PGAP1: variants seen among roughly 807,000 people sequenced by gnomAD.
The protein encoded by PGAP1 is post-GPI attachment to proteins inositol deacylase 1.
A neutral mutation model predicts 127.0 loss-of-function variants in PGAP1; 76 were observed. The ratio of observed to expected loss-of-function variants is 0.60; its 90% confidence interval spans 0.50 to 0.72. The LOEUF is 0.72. PGAP1 is among the 30% of genes least tolerant of loss of function. The pLI is 0.00. For synonymous variants in PGAP1, 362 were observed against 366.5 expected (o/e 0.99, Z 0.14); for missense variants, 982 against 1,071.3 (o/e 0.92, Z 1.16).
intron 4 of PGAP1, among the ~76,000 whole-genome samples, chr2:196,903,010 A>G (rs1274798037): frequency 6.6e-6 from 1 of 152,174 alleles, no homozygotes; most frequent in Non-Finnish European, 1.5e-5. Flanking sequence ...TGGATCCATA[A>G]GCAAACACAT....
rs141212788 is a variant in PGAP1 at position 196,839,044 on chromosome 2, A to AAAAC, written c.*2186_*2189dup. On this transcript the variant is annotated 3_prime_UTR_variant, in exon 27 of 27. Transcript: ENST00000354764. ...GGTGACAGCGTGAGACTCCATCTCA[A>AAAAC]AAACAAACAAACAAACAAACAAAAA... 0.1 allele frequency: 15,517 copies of AAAAC among 154,012 alleles called. 941 individuals are homozygous for AAAAC. Among genetic ancestry groups the AAAAC allele is most frequent in the African/African-American group, 0.17 (7,074 of 41,404 alleles). 9.5% of individuals were successfully genotyped at this position (154,012 alleles called of 1,614,324 possible).
In PGAP1 at chr2:196,872,506, G is replaced by A. The variant is rs755341613; in HGVS notation, c.1663C>T (p.Gln555Ter). 12 of 1,613,162 alleles carry A rather than the reference G, an allele frequency of 7.4e-6. No individual in the cohort carries two copies. Among genetic ancestry groups the A allele is most frequent in the Non-Finnish European group, 1.0e-5 (12 of 1,179,310 alleles). The stretch of plus-strand genomic sequence containing the variant: ...GCCACATGGGTATTGTTTTCTGGTT[G>A]AGCAATATGGAGTTTCAGAGAAATT... ...TEISLKLHIA[Q>*]PENNTHVALF... The change falls in exon 18 of 27, where the codon CAA becomes TAA. Residue 555 changes from glutamine (Q) to a stop codon, truncating the protein, a stop_gained. Transcript: ENST00000354764. LOFTEE classifies it high-confidence loss of function.
At chr2:196,860,062 G>A (rs1298271579) in intron 20 of PGAP1, among the ~76,000 whole-genome samples, 5 of 151,926 alleles carry the variant, frequency 3.3e-5, no homozygotes, top group Non-Finnish European at 7.4e-5. Flanking sequence ...AAAAGAAATG[G>A]TCAAGTTATC....
In PGAP1 at chr2:196,926,532, A is replaced by G. The variant is rs1273702087; in HGVS notation, c.85T>C (p.Phe29Leu). Residue 29 changes from phenylalanine (F) to leucine (L), a missense_variant, in exon 1 of 27, where the codon TTC becomes CTC. By Grantham distance (22) the Phe-to-Leu change is conservative. Coordinates refer to ENST00000354764, the MANE Select transcript of PGAP1 (RefSeq NM_024989.4). ...CACTTATTCTCCTCGAAGCCGAAGAAGACATCCCACAGCCCCAGGGTTGCC... is the reference window on the plus strand; with the variant it reads ...CACTTATTCTCCTCGAAGCCGAAGAGGACATCCCACAGCCCCAGGGTTGCC... ...FLATLGLWDV[F>L]FGFEENKCSM... 1 of 1,614,176 alleles carries G rather than the reference A, an allele frequency of 6.2e-7. No individual in the cohort carries two copies. Among genetic ancestry groups the G allele is most frequent in the Admixed American group, 1.7e-5 (1 of 60,032 alleles).
At chr2:196,864,247 G>A (rs958769376) in intron 20 of PGAP1, among the ~76,000 whole-genome samples, 23 of 151,652 alleles carry the variant, frequency 1.5e-4, no homozygotes, top group African/African-American at 4.1e-4. Context: ...AAAATTAGCC[G>A]GACATGGTTG....
chr2:196,849,058 T>C (rs928825330), intron 20 of PGAP1, among the ~76,000 whole-genome samples: 1 of 152,142 alleles, frequency 6.6e-6, no homozygotes, highest in Non-Finnish European at 1.5e-5. Flanking sequence ...ACTACATATT[T>C]AATTGGCTGG....
intron 5 of PGAP1, among the ~76,000 whole-genome samples, chr2:196,901,510 G>A (rs1702489385): frequency 4.6e-5 from 7 of 152,188 alleles, no homozygotes; most frequent in Admixed American, 4.6e-4. Context: ...GGAACAGGCA[G>A]ACTACATTCT....
At chr2:196,859,890 C>T (rs915796370) in intron 20 of PGAP1, among the ~76,000 whole-genome samples, 12 of 151,632 alleles carry the variant, frequency 7.9e-5, no homozygotes, top group African/African-American at 2.9e-4. Flanking sequence ...ATGACAAACC[C>T]ACAGCTAACA....
At chr2:196,871,298 T>A (rs1701402769) in intron 18 of PGAP1, among the ~76,000 whole-genome samples, 1 of 152,180 alleles carries the variant, frequency 6.6e-6, no homozygotes, top group Non-Finnish European at 1.5e-5. Context: ...TAAAGAAATT[T>A]AAGCCAAAAT....
chr2:196,902,677 A>T lies in PGAP1; in HGVS notation c.715T>A (p.Ser239Thr). The T allele has an allele frequency of 6.2e-7, 1 of 1,613,094 alleles. No homozygotes were observed. The highest frequency in any genetic ancestry group is 8.5e-7 in the Non-Finnish European group (1 of 1,179,062). ...TAATCCCGGAATCCTCCAGCTACAGAAAGTGTGGTTAAATTTATGTGTCGA... is the reference window on the plus strand; with the variant it reads ...TAATCCCGGAATCCTCCAGCTACAGTAAGTGTGGTTAAATTTATGTGTCGA... ...NARHINLTTL[S>T]VAGGFRDYQV... The change falls in exon 5 of 27, where the codon TCT becomes ACT. Residue 239 changes from serine (S) to threonine (T), a missense_variant. Transcript: ENST00000354764.
At position 196,912,017 on chromosome 2, in the gene PGAP1, T is replaced by G. The variant is rs529464734; in HGVS notation, c.649+865A>C. ...CTGGTTTCACTACTTTCTTGCCACA[T>G]GACTCTGGGCAAGAACGTTATCTTG... On this transcript the variant is annotated intron_variant, in intron 4 of 26. Coordinates refer to ENST00000354764, the MANE Select transcript of PGAP1 (RefSeq NM_024989.4). 5.9e-5 allele frequency among the ~76,000 whole-genome samples: 9 copies of G among 152,286 alleles called. No homozygotes were observed. The South Asian group carries it at 1.9e-3, about 32-fold the overall frequency.
At chr2:196,923,021 A>T (rs931859457) in intron 1 of PGAP1, among the ~76,000 whole-genome samples, 7 of 151,902 alleles carry the variant, frequency 4.6e-5, no homozygotes, top group African/African-American at 1.7e-4. Context: ...TACACATGAC[A>T]TGCTTTAAAA....
chr2:196,914,023 T>C (rs1034404387), intron 3 of PGAP1, among the ~76,000 whole-genome samples: 1 of 152,230 alleles, frequency 6.6e-6, no homozygotes, highest in East Asian at 1.9e-4. Context: ...ATTTCAGCCA[T>C]GTCACAATAT....
At chr2:196,883,524 T>C (rs1371765399) in intron 12 of PGAP1, among the ~76,000 whole-genome samples, 1 of 152,230 alleles carries the variant, frequency 6.6e-6, no homozygotes, top group Non-Finnish European at 1.5e-5. Flanking sequence ...TGGTAGCTAA[T>C]ATGAAACATT....
chr2:196,834,034 T>A lies in PGAP1; in HGVS notation c.*7200A>T, dbSNP rs1700168847. ...TAATTATTGTGTAAATTAACCTTATTTGATATATATAAGCCTCAATAAGTT... is the reference window on the plus strand; with the variant it reads ...TAATTATTGTGTAAATTAACCTTATATGATATATATAAGCCTCAATAAGTT... On this transcript the variant is annotated 3_prime_UTR_variant, in exon 27 of 27. Transcript: ENST00000354764. 6.6e-6 allele frequency: 1 copy of A among 151,986 alleles called. No individual in the cohort carries two copies. Among genetic ancestry groups the A allele is most frequent in the South Asian group, 2.1e-4 (1 of 4,830 alleles). 9.4% of individuals were successfully genotyped at this position (151,986 alleles called of 1,614,324 possible).
In PGAP1 at chr2:196,847,930, C is replaced by A; in HGVS notation, c.1952+17G>T. On this transcript the variant is annotated intron_variant, in intron 21 of 26. Transcript: ENST00000354764. ...TAAAACACAATTAAAATCATTATCA[C>A]AGATAATAAAACTTACCCCAACAGA... The A allele has an allele frequency of 6.9e-7, 1 of 1,458,874 alleles. No individual in the cohort carries two copies. Among genetic ancestry groups the A allele is most frequent in the Non-Finnish European group, 9.3e-7 (1 of 1,077,734 alleles). The allele number at this position is 1,458,874 out of a possible 1,614,324, so 90.4% of individuals were successfully genotyped here. A position where few individuals can be genotyped will look rare whatever the true frequency, so the allele number is the denominator to read the frequency against.
intron 5 of PGAP1, among the ~76,000 whole-genome samples, chr2:196,899,855 G>A (rs1214772267): frequency 6.6e-6 from 1 of 152,162 alleles, no homozygotes; most frequent in East Asian, 1.9e-4. Context: ...CTAACATGGT[G>A]AAACCGCATC....
intron 20 of PGAP1, among the ~76,000 whole-genome samples, chr2:196,853,753 GAAGATT>G (rs1700788754): frequency 6.6e-6 from 1 of 152,106 alleles, no homozygotes; most frequent in African/African-American, 2.4e-5. Context: ...TGAGCTTTAA[GAAGATT>G]AAGATTTTTA....
chr2:196,881,844 T>C (rs1701743594), intron 12 of PGAP1, among the ~76,000 whole-genome samples: 1 of 152,248 alleles, frequency 6.6e-6, no homozygotes, highest in Admixed American at 6.5e-5. Flanking sequence ...TAGTTTCCTT[T>C]GCTGTGCAGA....
Sources: gnomAD v4.1 joint callset for allele counts (sites outside exome capture counted in the v4.1 genomes callset) on GRCh38, gnomAD v4.1.1 for gene constraint, MANE v1.5 for transcripts, NCBI Gene and HGNC (gene_info 2026-07-23, HGNC 2026-07-21) for gene names.